NCALD: variants seen among roughly 807,000 people sequenced by gnomAD.
NCALD encodes the protein neurocalcin delta.
Under a neutral mutation model 18.6 loss-of-function variants are expected in NCALD, and 10 were observed. That is an observed-to-expected ratio of 0.54 (90% CI 0.33 to 0.91). The LOEUF is 0.91. Among genes scored for constraint, NCALD ranks in the 40% least tolerant of loss-of-function variants. The pLI, the probability that NCALD is intolerant of heterozygous loss-of-function variation, is 0.03. For missense variants in NCALD, 184 were observed against 247.6 expected, an observed-to-expected ratio of 0.74 and a Z score of 1.72; for synonymous variants, 88 against 87.4, an observed-to-expected ratio of 1.01 and a Z score of -0.04.
intron 4 of NCALD, among the ~76,000 whole-genome samples, chr8:101,837,485 C>T (rs968651078): frequency 1.3e-5 from 2 of 152,140 alleles, no homozygotes; most frequent in Non-Finnish European, 2.9e-5. Context: ...TCCAGAAAAG[C>T]TCCAAGTAGA....
rs113571271 is a variant in NCALD, at chr8:101,733,392, TG to T, written c.-19-13745del. On this transcript the variant is annotated intron_variant, in intron 1 of 3. Coordinates refer to ENST00000220931, the MANE Select transcript of NCALD (RefSeq NM_032041.3). ...AATATGGTGCTGTGTTATGTGACCT[TG>T]GGCAAGTCCTTGAACATCTCTTGGT... 1.3e-3 allele frequency among the ~76,000 whole-genome samples: 198 copies of T among 152,330 alleles called. 1 individual carries two copies. The highest frequency in any genetic ancestry group is 4.5e-3 in the African/African-American group (188 of 41,566).
chr8:101,725,058 G>C (rs1474311011), intron 1 of NCALD, among the ~76,000 whole-genome samples: 1 of 152,224 alleles, frequency 6.6e-6, no homozygotes, highest in Admixed American at 6.5e-5. Flanking sequence ...TCATGGTGAT[G>C]TGGACAGGAG....
At chr8:102,116,277 A>C (rs539340934) in intron 1 of NCALD, among the ~76,000 whole-genome samples, 18 of 113,630 alleles carry the variant, frequency 1.6e-4, no homozygotes, top group Admixed American at 1.5e-3. Context: ...CAAAAACAAA[A>C]ACAAACAAAA....
intron 2 of NCALD, among the ~76,000 whole-genome samples, chr8:101,951,405 G>A (rs1819415044): frequency 1.3e-5 from 2 of 152,178 alleles, no homozygotes; most frequent in African/African-American, 4.8e-5. Context: ...AAGACAGTGA[G>A]GAGCTGGCGA....
In NCALD at chr8:101,689,331, G is replaced by A. The variant is rs1814604048; in HGVS notation, c.560C>T (p.Pro187Leu). The A allele has an allele frequency of 6.2e-7, 1 of 1,613,772 alleles. No homozygotes were observed. The highest frequency in any genetic ancestry group is 8.5e-7 in the Non-Finnish European group (1 of 1,179,902). The change falls in exon 4 of 4, where the codon CCG (proline) becomes CTG (leucine). Residue 187 changes from proline to leucine, a missense_variant. By Grantham distance (98) the Pro-to-Leu change is moderately conservative. Transcript: ENST00000220931. The surrounding 1 kb of genome is among the most constrained non-coding windows in gnomAD (Gnocchi z 4.4). Reference sequence around the variant, plus strand: ...GGCTCAGAACTGGCCGGCACTGCTCGGGTCGCACTGCAGGAGGCGCACAAT... The same window carrying A: ...GGCTCAGAACTGGCCGGCACTGCTCAGGTCGCACTGCAGGAGGCGCACAAT... ...PSIVRLLQCD[P>L]SSAGQF
chr8:101,842,531 C>T (rs1814686783), intron 4 of NCALD, among the ~76,000 whole-genome samples: 1 of 152,214 alleles, frequency 6.6e-6, no homozygotes, highest in African/African-American at 2.4e-5. Flanking sequence ...AAAAGCCAGT[C>T]TCTGTCACTC....
intron 2 of NCALD, among the ~76,000 whole-genome samples, chr8:102,016,578 G>A (rs1822091329): frequency 6.6e-6 from 1 of 152,138 alleles, no homozygotes; most frequent in Admixed American, 6.5e-5. Context: ...CACCACTGGA[G>A]AACTTTGGAG....
intron 4 of NCALD, among the ~76,000 whole-genome samples, chr8:101,868,373 G>A (rs1815864189): frequency 6.6e-6 from 1 of 152,166 alleles, no homozygotes; most frequent in Admixed American, 6.5e-5. Context: ...GGTCTGAGCT[G>A]AAGCAGGAGA....
At chr8:101,903,166 A>G (rs191609514) in intron 3 of NCALD, among the ~76,000 whole-genome samples, 1 of 151,992 alleles carries the variant, frequency 6.6e-6, no homozygotes, top group Non-Finnish European at 1.5e-5. Flanking sequence ...AATACTAAAA[A>G]TAACTAGACA....
At chr8:102,112,548 TGAA>T (rs1825672870) in intron 1 of NCALD, among the ~76,000 whole-genome samples, 1 of 152,202 alleles carries the variant, frequency 6.6e-6, no homozygotes, top group African/African-American at 2.4e-5. Flanking sequence ...CTATTGTGAA[TGAA>T]GAAGATACTG....
intron 1 of NCALD, among the ~76,000 whole-genome samples, chr8:102,118,330 T>C (rs1825849467): frequency 6.6e-6 from 1 of 152,234 alleles, no homozygotes; most frequent in Admixed American, 6.5e-5. Context: ...GGCTGGGTAG[T>C]GAAGGCTTGC....
intron 2 of NCALD, among the ~76,000 whole-genome samples, chr8:101,924,148 G>C (rs957812599): frequency 1.3e-5 from 2 of 152,076 alleles, no homozygotes; most frequent in Admixed American, 6.6e-5. Context: ...TGCATCCTTG[G>C]AGATATGAAA....
At chr8:101,696,556 G>A (rs755572427) in intron 2 of NCALD, among the ~76,000 whole-genome samples, 4 of 152,284 alleles carry the variant, frequency 2.6e-5, no homozygotes, top group Middle Eastern at 3.4e-3. Context: ...GTGTGGGGGC[G>A]TTCAGTACAC....
At chr8:102,113,002 A>G (rs1332296741) in intron 1 of NCALD, among the ~76,000 whole-genome samples, 1 of 152,214 alleles carries the variant, frequency 6.6e-6, no homozygotes, top group Non-Finnish European at 1.5e-5. Context: ...TTCTTTATAA[A>G]TTACCCAGTC....
In NCALD at chr8:101,815,709, T is replaced by C. The variant is rs373855317; in HGVS notation, c.-20+71432A>G. 2.2e-3 allele frequency among the ~76,000 whole-genome samples: 332 copies of C among 152,242 alleles called. 4 individuals are homozygous for C. Among genetic ancestry groups the C allele is most frequent in the African/African-American group, 7.6e-3 (317 of 41,568 alleles). Reference sequence around the variant, plus strand: ...CATTCACTGCTGGAATGCAAAACAGTACAGCCACTTTGGAAGACAGTTTGA... The same window carrying C: ...CATTCACTGCTGGAATGCAAAACAGCACAGCCACTTTGGAAGACAGTTTGA... On this transcript the variant is annotated intron_variant, in intron 4 of 6. Coordinates refer to the NCALD transcript ENST00000311028.
intron 2 of NCALD, among the ~76,000 whole-genome samples, chr8:101,925,890 A>G (rs73696578): frequency 0.034 from 5,232 of 152,268 alleles, 278 homozygotes; most frequent in African/African-American, 0.12. Context: ...ATTAAAGGCA[A>G]TTAAATGTTG....
At chr8:101,927,605 C>T (rs570515914) in intron 2 of NCALD, among the ~76,000 whole-genome samples, 66 of 152,296 alleles carry the variant, frequency 4.3e-4, no homozygotes, top group South Asian at 1.0e-3. Context: ...GTCCGACATC[C>T]GCGCAGTGGG....
chr8:101,920,947 G>A (rs999714797), intron 2 of NCALD, among the ~76,000 whole-genome samples: 3 of 152,182 alleles, frequency 2.0e-5, no homozygotes, highest in Non-Finnish European at 2.9e-5. Context: ...ACGATAAAAT[G>A]AGTCAATAAA....
chr8:102,008,773 C>T (rs1353651571), intron 2 of NCALD, among the ~76,000 whole-genome samples: 2 of 152,118 alleles, frequency 1.3e-5, no homozygotes. Context: ...GTAGAAGTAA[C>T]TGATTCTTAC....
Sources: allele counts gnomAD v4.1 joint callset (sites outside exome capture counted in the v4.1 genomes callset), GRCh38; gene constraint gnomAD v4.1.1; non-coding constraint Gnocchi (gnomAD v3.1); transcripts MANE v1.5; gene names NCBI Gene and HGNC (gene_info 2026-07-23, HGNC 2026-07-21).